The following C9orf85 variants were observed in gnomAD, a reference collection of about 807,000 sequenced individuals.
The protein encoded by C9orf85 is chromosome 9 open reading frame 85, also known as uncharacterized protein C9orf85.
A neutral mutation model predicts 14.9 loss-of-function variants in C9orf85; 16 were observed. The ratio of observed to expected loss-of-function variants is 1.08; its 90% CI spans 0.73 to 1.63. The LOEUF (loss-of-function observed/expected upper bound fraction) is 1.63, where lower values mean the gene tolerates loss of function less well. Ranked by LOEUF, C9orf85 falls within the 40% of genes most tolerant of loss-of-function variation. C9orf85 has a pLI of 0.00. For synonymous variants in C9orf85, 45 were observed against 56.8 expected, an observed-to-expected ratio of 0.79 and a Z score of 0.93; for missense variants, 172 against 186.1, an observed-to-expected ratio of 0.92 and a Z score of 0.44.
chr9:71,939,335 T>C (rs1052108074), intron 1 of C9orf85, among the ~76,000 whole-genome samples: 2 of 151,796 alleles, frequency 1.3e-5, no homozygotes, highest in African/African-American at 4.8e-5. Context: ...ACCAAAGACA[T>C]TGGAAAAAAA....
At chr9:71,981,714 G>A (rs569988040) in intron 3 of C9orf85, among the ~76,000 whole-genome samples, 2 of 152,190 alleles carry the variant, frequency 1.3e-5, no homozygotes, top group Non-Finnish European at 2.9e-5. Flanking sequence ...CTCAATTTAT[G>A]CTTAAGGTTC....
chr9:71,928,464 A>G (rs4352912), intron 1 of C9orf85, among the ~76,000 whole-genome samples: 137,615 of 152,250 alleles, frequency 0.9, 63,679 homozygotes, highest in East Asian at 1. Flanking sequence ...TGCGGAGTAC[A>G]TACTAGCTCA....
chr9:71,918,049 G>A (rs1010034361), intron 1 of C9orf85, among the ~76,000 whole-genome samples: 42 of 152,118 alleles, frequency 2.8e-4, no homozygotes, highest in Non-Finnish European at 5.6e-4. Flanking sequence ...CAGGCGTGGT[G>A]GTGGCCGCCT....
intron 2 of C9orf85, among the ~76,000 whole-genome samples, chr9:71,969,253 A>T (rs1822791623): frequency 6.6e-6 from 1 of 152,134 alleles, no homozygotes. Context: ...GGTTCAAGTG[A>T]TTCTCCTGTC....
chr9:71,939,509 A>G (rs914969654), intron 1 of C9orf85, among the ~76,000 whole-genome samples: 2 of 152,162 alleles, frequency 1.3e-5, no homozygotes, highest in African/African-American at 4.8e-5. Flanking sequence ...GAAAGATTGA[A>G]TGTTGTTAAG....
intron 1 of C9orf85, among the ~76,000 whole-genome samples, chr9:71,927,964 TCAC>T (rs1223655197): frequency 1.3e-4 from 20 of 152,076 alleles, no homozygotes; most frequent in African/African-American, 4.6e-4. Context: ...GGCGGGTGGA[TCAC>T]TTGAGGCTAG....
chr9:71,975,519 C>T (rs141712595), downstream of C9orf85, among the ~76,000 whole-genome samples: 54 of 150,556 alleles, frequency 3.6e-4, 2 homozygotes, highest in East Asian at 0.01. Context: ...GTATTCTAAA[C>T]ATATAGCCTG....
At chr9:71,964,240 T>A (rs1822619202) in intron 2 of C9orf85, among the ~76,000 whole-genome samples, 1 of 152,000 alleles carries the variant, frequency 6.6e-6, no homozygotes, top group East Asian at 1.9e-4. Flanking sequence ...CAGCGCCCTG[T>A]CAACACAGAC....
chr9:71,983,518 T>C (rs2132382122), downstream of C9orf85: 1 of 152,350 alleles, frequency 6.6e-6, no homozygotes, highest in South Asian at 2.1e-4. Context: ...TCCTTCACAT[T>C]AAGAAACTAA....
chr9:71,947,151 T>C (rs376321312), intron 2 of C9orf85, 39 bp downstream of exon 2: 13 of 1,273,460 alleles, frequency 1.0e-5, no homozygotes, highest in East Asian at 2.4e-5. Context: ...TGGTGGTATA[T>C]GTATCATAGT....
At chr9:71,933,405 G>T (rs998632187) in intron 1 of C9orf85, among the ~76,000 whole-genome samples, 1 of 152,186 alleles carries the variant, frequency 6.6e-6, no homozygotes, top group Non-Finnish European at 1.5e-5. Context: ...CCTGTTATAT[G>T]CAGGAGGAAA....
Position 71,972,690 on chromosome 9 carries a change from A to T in C9orf85, c.324-2A>T, listed in dbSNP as rs757338359. 1 of 1,564,152 alleles carries T rather than the reference A, an allele frequency of 6.4e-7. No individual in the cohort carries two copies. The highest frequency in any genetic ancestry group is 1.2e-5 in the South Asian group (1 of 85,324). On this transcript the variant is annotated splice_acceptor_variant, in intron 3 of 3. Coordinates refer to ENST00000334731, the MANE Select transcript of C9orf85 (RefSeq NM_182505.5). LOFTEE classifies it high-confidence loss of function. Reference sequence around the variant, plus strand: ...AATAGAAATTTTTTCTTTCATCTTTAGGTTGAATAAAGAAACAGAAAAAAT... The same window carrying T: ...AATAGAAATTTTTTCTTTCATCTTTTGGTTGAATAAAGAAACAGAAAAAAT...
intron 2 of C9orf85, among the ~76,000 whole-genome samples, chr9:71,964,429 A>G (rs1216345160): frequency 6.6e-6 from 1 of 152,080 alleles, no homozygotes; most frequent in East Asian, 1.9e-4. Context: ...TATAAGCTTT[A>G]ACACTCACCG....
At chr9:71,961,382 G>A (rs572420513) in intron 2 of C9orf85, among the ~76,000 whole-genome samples, 117 of 152,126 alleles carry the variant, frequency 7.7e-4, no homozygotes, top group Non-Finnish European at 1.2e-3. Flanking sequence ...CAACATAAGT[G>A]AAACCCTGTC....
In C9orf85 at chr9:71,954,663, C is replaced by T. The variant is rs116974094; in HGVS notation, c.209+7551C>T. Among the ~76,000 whole-genome samples, 744 of 152,226 alleles carry T rather than the reference C, an allele frequency of 4.9e-3. 4 individuals carry two copies. The highest frequency in any genetic ancestry group is 8.9e-3 in the Non-Finnish European group (603 of 68,014). The stretch of plus-strand genomic sequence containing the variant: ...TGTAGCGGTGAGGACAACCAGAGGA[C>T]ATTCTAGTGGCCATCTTGGTTTTGG... On this transcript the variant is annotated intron_variant, in intron 2 of 3. Transcript: ENST00000334731.
chr9:71,984,600 T>C (rs1823175567), downstream of C9orf85: 1 of 152,332 alleles, frequency 6.6e-6, no homozygotes, highest in African/African-American at 2.4e-5. Flanking sequence ...GCCAGGGTAG[T>C]GTGTCATTAC....
At chr9:71,915,997 G>T (rs1164630809) in intron 1 of C9orf85, among the ~76,000 whole-genome samples, 1 of 152,210 alleles carries the variant, frequency 6.6e-6, no homozygotes, top group Non-Finnish European at 1.5e-5. Flanking sequence ...CATTGTGCTA[G>T]ATATTGGAAG....
At chr9:71,968,420 TA>T (rs57657282) in intron 2 of C9orf85, among the ~76,000 whole-genome samples, 4,467 of 141,970 alleles carry the variant, frequency 0.031, 206 homozygotes, top group African/African-American at 0.099. Context: ...GAGTTTTCCT[TA>T]AAAAAAAAAA....
chr9:71,969,508 G>A lies in C9orf85; in HGVS notation c.210-1997G>A, dbSNP rs138131495. Among the ~76,000 whole-genome samples the A allele has an allele frequency of 1.6e-3, 236 of 152,244 alleles. 1 individual carries two copies. In the Middle Eastern group the frequency reaches 0.017, roughly 11 times the overall value. ...ACCATCTTTTATTCCTGATGTTTCA[G>A]TGTATGTATTTATGAATTATATTGA... On this transcript the variant is annotated intron_variant, in intron 2 of 3. Coordinates refer to ENST00000334731, the MANE Select transcript of C9orf85 (RefSeq NM_182505.5).
Sources: gnomAD v4.1 joint callset for allele counts (sites outside exome capture counted in the v4.1 genomes callset) on GRCh38, gnomAD v4.1.1 for gene constraint, MANE v1.5 for transcripts, NCBI Gene and HGNC (gene_info 2026-07-23, HGNC 2026-07-21) for gene names.